Variants in RBM26 observed in about 807,000 individuals in gnomAD.
The protein encoded by RBM26 is RNA-binding protein 26.
A neutral mutation model predicts 123.6 loss-of-function variants in RBM26; 30 were observed. That is an observed-to-expected ratio of 0.24 (90% CI 0.18 to 0.33). The LOEUF is 0.33. RBM26 is among the 10% of genes least tolerant of loss of function. The pLI is 1.00. For synonymous variants in RBM26, 400 were observed against 404.4 expected, an observed-to-expected ratio of 0.99 and a Z score of 0.13; for missense variants, 947 against 1,203.6, an observed-to-expected ratio of 0.79 and a Z score of 3.15.
intron 13 of RBM26, among the ~76,000 whole-genome samples, chr13:79,353,598 A>G (rs2073572095): frequency 6.6e-6 from 1 of 152,154 alleles, no homozygotes; most frequent in Admixed American, 6.6e-5. Context: ...TTTTATATCC[A>G]AATATACTGT....
chr13:79,369,522 A>T (rs1375846167), intron 5 of RBM26, among the ~76,000 whole-genome samples: 2 of 152,198 alleles, frequency 1.3e-5, no homozygotes, highest in Non-Finnish European at 2.9e-5. Context: ...GTAACATTCC[A>T]TGAAGCCTTG....
intron 1 of RBM26, among the ~76,000 whole-genome samples, chr13:79,392,519 A>T: frequency 6.8e-6 from 1 of 146,652 alleles, no homozygotes; most frequent in African/African-American, 2.5e-5. Flanking sequence ...TTAGTTATAT[A>T]ATTATATGTT....
intron 19 of RBM26, among the ~76,000 whole-genome samples, chr13:79,335,475 C>A (rs1046932095): frequency 6.6e-6 from 1 of 152,080 alleles, no homozygotes; most frequent in African/African-American, 2.4e-5. Flanking sequence ...GAAGATACAG[C>A]ATTTTTGTTA....
At chr13:79,378,738 C>G in intron 2 of RBM26, 51 bp downstream of exon 2, 1 of 1,168,710 alleles carries the variant, frequency 8.6e-7, no homozygotes, top group Non-Finnish European at 1.2e-6. Flanking sequence ...CCATGCCAAG[C>G]CTTAAATAAC....
rs372367299 is a variant in RBM26 at position 79,368,944 on chromosome 13, T to A, written c.681A>T (p.Pro227=). 1 of 1,610,946 alleles carries A rather than the reference T, an allele frequency of 6.2e-7. No homozygotes were observed. Among genetic ancestry groups the A allele is most frequent in the Admixed American group, 1.7e-5 (1 of 59,980 alleles). Residue 227 remains proline (P), a synonymous_variant, in exon 6 of 22, where the codon CCA becomes CCT. Transcript: ENST00000438737. ...AGACTGGAGTATAATTATTTTCTAA[T>A]GGATCTGTTCTATCCAGGTCATATT... ...KPKYDLDRTD[P]LENNYTPVSS...
chr13:79,371,936 T>TTA lies in RBM26; in HGVS notation c.328-7_328-6insTA, dbSNP rs1566496920. On this transcript the variant is annotated splice_polypyrimidine_tract_variant and splice_region_variant and intron_variant, in intron 3 of 21. Transcript: ENST00000438737. ...CGCTCTTCCTCCTTAGTGATCTGAT[T>TTA]AAAAAAAAAAAAAAAAGTGTACAAG... The TTA allele has an allele frequency of 4.5e-5, 58 of 1,300,224 alleles. No homozygotes were observed. The highest frequency in any genetic ancestry group is 2.7e-4 in the African/African-American group (17 of 63,530). 80.5% of individuals were successfully genotyped at this position (1,300,224 alleles called of 1,614,324 possible). A position where few individuals can be genotyped will look rare whatever the true frequency, so the allele number is the denominator to read the frequency against.
chr13:79,381,368 C>G (rs1283071016), intron 1 of RBM26, among the ~76,000 whole-genome samples: 1 of 151,956 alleles, frequency 6.6e-6, no homozygotes, highest in African/African-American at 2.4e-5. Flanking sequence ...CCAAATCAAC[C>G]AGACATCAAC....
intron 1 of RBM26, among the ~76,000 whole-genome samples, chr13:79,393,415 G>A (rs747130944): frequency 2.6e-5 from 4 of 152,050 alleles, no homozygotes; most frequent in Non-Finnish European, 2.9e-5. Context: ...TCACTCCTGC[G>A]CTAAAACTTG....
intron 1 of RBM26, among the ~76,000 whole-genome samples, chr13:79,395,992 C>A (rs1213282576): frequency 6.6e-6 from 1 of 152,018 alleles, no homozygotes; most frequent in East Asian, 1.9e-4. Context: ...TCCAAATTGG[C>A]AAATCTAAGG....
chr13:79,343,228 A>T (rs1328520909), intron 16 of RBM26, among the ~76,000 whole-genome samples: 1 of 151,898 alleles, frequency 6.6e-6, no homozygotes, highest in Non-Finnish European at 1.5e-5. Flanking sequence ...TCTCCAGCCC[A>T]GAAAGAACCA....
At chr13:79,312,186 C>G (rs2066914297) in exon 5 of RBM26, 1 of 151,994 alleles carries the variant, frequency 6.6e-6, no homozygotes, top group African/African-American at 2.4e-5. Flanking sequence ...AGTCTCCAGA[C>G]AAGAAGACTC....
chr13:79,327,142 A>G (rs2068549363), intron 20 of RBM26, among the ~76,000 whole-genome samples: 1 of 151,972 alleles, frequency 6.6e-6, no homozygotes, highest in Non-Finnish European at 1.5e-5. Flanking sequence ...CAAAAAATAC[A>G]AAAATTAGCC....
chr13:79,386,594 A>AAAAAAAAAAAAAAC (rs2077510080), intron 1 of RBM26, among the ~76,000 whole-genome samples: 1 of 132,184 alleles, frequency 7.6e-6, no homozygotes, highest in African/African-American at 2.7e-5. Context: ...CTCTCTTTAA[A>AAAAAAAAAAAAAAC]AAAAAAAAAA....
chr13:79,330,781 T>C (rs904574976), intron 20 of RBM26, among the ~76,000 whole-genome samples: 3 of 152,140 alleles, frequency 2.0e-5, no homozygotes, highest in African/African-American at 4.8e-5. Flanking sequence ...TTTTAGAAGT[T>C]ACAAAGAAAG....
chr13:79,353,234 T>C lies in RBM26; in HGVS notation c.1987-10A>G. ...ATAACTTAGTTACATTCTAAAAAAATTAAAATGGACATATTCAGTGTTTCC... is the reference window on the plus strand; with the variant it reads ...ATAACTTAGTTACATTCTAAAAAAACTAAAATGGACATATTCAGTGTTTCC... On this transcript the variant is annotated splice_polypyrimidine_tract_variant and intron_variant, in intron 13 of 21. Transcript: ENST00000438737. 3 of 1,491,870 alleles carry C rather than the reference T, an allele frequency of 2.0e-6. No homozygotes were observed. Among genetic ancestry groups the C allele is most frequent in the Non-Finnish European group, 2.8e-6 (3 of 1,089,900 alleles). 92.4% of individuals were successfully genotyped at this position (1,491,870 alleles called of 1,614,324 possible).
intron 15 of RBM26, 122 bp downstream of exon 15, chr13:79,344,547 G>C: frequency 1.1e-6 from 1 of 934,078 alleles, no homozygotes. Flanking sequence ...GAAAATAAAC[G>C]TTCAGTGGCA....
At position 79,320,664 on chromosome 13, in the gene RBM26, T is replaced by C; in HGVS notation, c.2981A>G (p.Asp994Gly). 1 of 1,599,374 alleles carries C rather than the reference T, an allele frequency of 6.3e-7. No individual in the cohort carries two copies. The part of the protein sequence containing the change: ...LVDDSLLQDD[D>G]EEEEDNESRS... Reference sequence around the variant, plus strand: ...AGATTCATTGTCCTCTTCTTCTTCATCATCATCTTGAAGTAATGAGTCATC... The same window carrying C: ...AGATTCATTGTCCTCTTCTTCTTCACCATCATCTTGAAGTAATGAGTCATC... Residue 994 changes from aspartate (D) to glycine (G), a missense_variant, in exon 22 of 22, where the codon GAT becomes GGT. Physicochemically the swap from Asp to Gly is moderately conservative, Grantham distance 94. Transcript: ENST00000438737.
intron 1 of RBM26, among the ~76,000 whole-genome samples, chr13:79,382,582 C>T (rs2077148159): frequency 6.6e-6 from 1 of 151,906 alleles, no homozygotes; most frequent in Admixed American, 6.6e-5. Context: ...AGAATACAAA[C>T]AAAAGCAAAA....
intron 20 of RBM26, 23 bp downstream of exon 20, chr13:79,334,321 G>C: frequency 7.7e-7 from 1 of 1,296,124 alleles, no homozygotes; most frequent in Non-Finnish European, 1.1e-6. Context: ...AATCTGAATT[G>C]ATAAATTATT....
Sources: gnomAD v4.1 joint callset for allele counts (sites outside exome capture counted in the v4.1 genomes callset) on GRCh38, gnomAD v4.1.1 for gene constraint, MANE v1.5 for transcripts, NCBI Gene and HGNC (gene_info 2026-07-23, HGNC 2026-07-21) for gene names.